The following KIAA1217 variants were observed in gnomAD, a reference collection of about 807,000 sequenced individuals.
KIAA1217 encodes the protein KIAA1217.
A neutral mutation model predicts 163.9 loss-of-function variants in KIAA1217; 88 were observed. The ratio of observed to expected loss-of-function variants is 0.54; its 90% confidence interval spans 0.45 to 0.64. The LOEUF (loss-of-function observed/expected upper bound fraction) is 0.64, where lower values mean the gene tolerates loss of function less well. Among genes scored for constraint, KIAA1217 ranks in the 30% least tolerant of loss-of-function variants. The pLI, the probability that KIAA1217 is intolerant of heterozygous loss-of-function variation, is 0.00. For missense variants in KIAA1217, 2,372 were observed against 2,475.0 expected (o/e 0.96, Z 0.88); for synonymous variants, 903 against 923.1 (o/e 0.98, Z 0.39).
chr10:24,381,331 A>ACCTATGT (rs1314318697), intron 3 of KIAA1217, among the ~76,000 whole-genome samples: 1 of 152,128 alleles, frequency 6.6e-6, no homozygotes, highest in Non-Finnish European at 1.5e-5. Flanking sequence ...GTAGTATTTT[A>ACCTATGT]CCTATGTTCC....
At chr10:24,277,281 A>G (rs2077405083) in intron 2 of KIAA1217, among the ~76,000 whole-genome samples, 1 of 152,138 alleles carries the variant, frequency 6.6e-6, no homozygotes, top group Non-Finnish European at 1.5e-5. Flanking sequence ...TTTACTTCCA[A>G]CTTTTCAGAT....
At chr10:24,359,308 G>A (rs911340014) in intron 2 of KIAA1217, among the ~76,000 whole-genome samples, 1 of 151,938 alleles carries the variant, frequency 6.6e-6, no homozygotes, top group Non-Finnish European at 1.5e-5. Context: ...GGCCAGGCTG[G>A]TCTCCAACTC....
At chr10:24,098,724 C>CGT (rs10524680) in intron 2 of KIAA1217, among the ~76,000 whole-genome samples, 18,950 of 139,256 alleles carry the variant, frequency 0.14, 1,322 homozygotes, top group Non-Finnish European at 0.17. Context: ...TGAAGGGGAG[C>CGT]GTGTGTGTGT....
At chr10:24,387,887 T>G (rs12255752) in intron 3 of KIAA1217, among the ~76,000 whole-genome samples, 77,061 of 150,292 alleles carry the variant, frequency 0.51, 22,255 homozygotes, top group African/African-American at 0.79. Context: ...ACAAACCACT[T>G]CTCAACGAAA....
At chr10:24,479,029 A>G (rs1427364282) in intron 6 of KIAA1217, among the ~76,000 whole-genome samples, 1 of 152,206 alleles carries the variant, frequency 6.6e-6, no homozygotes, top group Non-Finnish European at 1.5e-5. Context: ...CATTCGACAA[A>G]TTAGCATAGA....
chr10:24,409,949 T>A (rs1259886734), intron 3 of KIAA1217, among the ~76,000 whole-genome samples: 1 of 151,930 alleles, frequency 6.6e-6, no homozygotes, highest in African/African-American at 2.4e-5. Context: ...TGATATTCCA[T>A]CATATATATA....
intron 1 of KIAA1217, among the ~76,000 whole-genome samples, chr10:23,826,848 A>G (rs904158034): frequency 6.6e-6 from 1 of 152,108 alleles, no homozygotes; most frequent in African/African-American, 2.4e-5. Context: ...AGCTTCGTGA[A>G]CTGTTTCTCT....
At chr10:23,715,635 G>A (rs1837522876) in intron 1 of KIAA1217, among the ~76,000 whole-genome samples, 1 of 152,118 alleles carries the variant, frequency 6.6e-6, no homozygotes, top group East Asian at 1.9e-4. Context: ...TTTAAAATGA[G>A]CATGAAGTGA....
upstream of KIAA1217, among the ~76,000 whole-genome samples, chr10:24,205,961 C>T (rs985139289): frequency 5.9e-5 from 9 of 152,150 alleles, no homozygotes; most frequent in East Asian, 1.9e-4. Context: ...AGTTCTGTAA[C>T]GGGTTAGCTA....
chr10:23,748,801 C>T (rs1021135224), intron 1 of KIAA1217, among the ~76,000 whole-genome samples: 10 of 152,146 alleles, frequency 6.6e-5, no homozygotes, highest in South Asian at 2.1e-4. Context: ...TCACTGTCAG[C>T]ACTACCTTCC....
At chr10:23,887,108 C>T (rs573446106) in intron 1 of KIAA1217, among the ~76,000 whole-genome samples, 2 of 151,970 alleles carry the variant, frequency 1.3e-5, no homozygotes, top group African/African-American at 2.4e-5. Context: ...CATCTTCTGG[C>T]TTTCTTATCT....
intron 2 of KIAA1217, among the ~76,000 whole-genome samples, chr10:24,263,991 G>A (rs1443736115): frequency 6.6e-6 from 1 of 152,080 alleles, no homozygotes; most frequent in Non-Finnish European, 1.5e-5. Flanking sequence ...CCGAGGAGCT[G>A]GGACTACAGG....
intron 2 of KIAA1217, among the ~76,000 whole-genome samples, chr10:24,234,672 A>G (rs2071960262): frequency 6.6e-6 from 1 of 151,512 alleles, no homozygotes; most frequent in Non-Finnish European, 1.5e-5. Context: ...AAAAAAAAAA[A>G]AAAAAAAGAA....
intron 2 of KIAA1217, among the ~76,000 whole-genome samples, chr10:24,092,008 T>G (rs2131686966): frequency 6.6e-6 from 1 of 151,892 alleles, no homozygotes; most frequent in African/African-American, 2.4e-5. Flanking sequence ...AGCTACCTTT[T>G]TATCAAAAGC....
At chr10:24,122,260 T>C (rs1484500335) in intron 2 of KIAA1217, among the ~76,000 whole-genome samples, 2 of 152,124 alleles carry the variant, frequency 1.3e-5, no homozygotes, top group African/African-American at 4.8e-5. Context: ...TGGTTTTCTG[T>C]TTCTGTATTA....
At chr10:24,151,204 G>T (rs182283851) in intron 2 of KIAA1217, among the ~76,000 whole-genome samples, 1 of 151,930 alleles carries the variant, frequency 6.6e-6, no homozygotes, top group Non-Finnish European at 1.5e-5. Flanking sequence ...TGTAGAGGGT[G>T]GGGGAAGAAC....
chr10:24,043,448 T>C (rs902250361), intron 2 of KIAA1217, among the ~76,000 whole-genome samples: 2 of 152,188 alleles, frequency 1.3e-5, no homozygotes, highest in Non-Finnish European at 2.9e-5. Context: ...CCCTGTACTA[T>C]TTCGAAGATG....
chr10:23,718,688 G>A (rs1391926874), intron 1 of KIAA1217, among the ~76,000 whole-genome samples: 1 of 151,468 alleles, frequency 6.6e-6, no homozygotes, highest in African/African-American at 2.4e-5. Flanking sequence ...ATAAGTGATA[G>A]GATTTCTCTT....
chr10:24,225,180 C>T (rs181276829), intron 2 of KIAA1217, among the ~76,000 whole-genome samples: 1 of 152,260 alleles, frequency 6.6e-6, no homozygotes, highest in Admixed American at 6.5e-5. Context: ...GTTTAGAGTG[C>T]AGTGGCGTGA....
Sources: gnomAD v4.1 joint callset for allele counts (sites outside exome capture counted in the v4.1 genomes callset) on GRCh38, gnomAD v4.1.1 for gene constraint, MANE v1.5 for transcripts, NCBI Gene and HGNC (gene_info 2026-07-23, HGNC 2026-07-21) for gene names.